The following ZNF789 variants were observed in gnomAD, a reference collection of about 807,000 sequenced individuals.
ZNF789 encodes zinc finger protein 789.
A neutral mutation model predicts 15.6 loss-of-function variants in ZNF789; 11 were observed. The observed-to-expected ratio is 0.70, with a 90% CI of 0.44 to 1.16. ZNF789 has a LOEUF of 1.16. ZNF789 is among the 50% of genes most tolerant of loss of function. ZNF789 has a pLI of 0.00. For synonymous variants in ZNF789, 159 were observed against 176.0 expected (o/e 0.90, Z 0.76); for missense variants, 461 against 512.6 (o/e 0.90, Z 0.97).
intron 4 of ZNF789, among the ~76,000 whole-genome samples, chr7:99,484,697 G>A (rs1799830249): frequency 6.6e-6 from 1 of 152,266 alleles, no homozygotes; most frequent in East Asian, 1.9e-4. Flanking sequence ...GGGAGGCAGA[G>A]GCAGGAGGAT....
chr7:99,485,178 C>T, intron 4 of ZNF789: 1 of 1,535,566 alleles, frequency 6.5e-7, no homozygotes, highest in East Asian at 2.4e-5. Flanking sequence ...GACATATCTG[C>T]ATTTTTCTAC....
At chr7:99,475,112 G>C (rs1799249081) in intron 1 of ZNF789, among the ~76,000 whole-genome samples, 1 of 152,184 alleles carries the variant, frequency 6.6e-6, no homozygotes, top group African/African-American at 2.4e-5. Context: ...AAGTCTGTAG[G>C]CTGGGCGCAG....
intron 3 of ZNF789, chr7:99,480,055 G>C (rs1237309319): frequency 2.3e-6 from 1 of 432,276 alleles, no homozygotes; most frequent in East Asian, 3.5e-5. Flanking sequence ...GCCAGGTGCG[G>C]TGGCTCACAC....
chr7:99,487,131 T>C lies in ZNF789; in HGVS notation c.921T>C (p.His307=), dbSNP rs758175237. Residue 307 remains histidine, a synonymous_variant, in exon 5 of 5, where the codon CAT becomes CAC. Coordinates refer to ENST00000331410, the MANE Select transcript of ZNF789 (RefSeq NM_213603.3). ...NSTLIRHQVI[H]SGEKRHKCLE... ...CCCTTATTCGACATCAGGTGATCCA[T>C]AGTGGAGAAAAACGCCATAAATGCC... 2.5e-6 allele frequency: 4 copies of C among 1,614,058 alleles called. No individual in the cohort carries two copies. The highest frequency in any genetic ancestry group is 1.3e-5 in the African/African-American group (1 of 74,932).
intron 3 of ZNF789, 35 bp from the exon 4 acceptor site, chr7:99,483,995 T>C (rs1179719801): frequency 6.3e-7 from 1 of 1,578,286 alleles, no homozygotes; most frequent in Non-Finnish European, 8.7e-7. Context: ...TGTAACTCAC[T>C]AACGGCCACA....
chr7:99,472,936 G>T lies in ZNF789; in HGVS notation c.-175G>T, dbSNP rs1185658652. 1.3e-5 allele frequency: 2 copies of T among 152,322 alleles called. No individual in the cohort carries two copies. Among genetic ancestry groups the T allele is most frequent in the Non-Finnish European group, 2.9e-5 (2 of 68,132 alleles). 9.4% of individuals were successfully genotyped at this position (152,322 alleles called of 1,614,324 possible). A position where few individuals can be genotyped will look rare whatever the true frequency, so the allele number is the denominator to read the frequency against. ...CAGAGTGGTTGTGTCTGTTCCTCCGGTAAGGGGTGATTCGCCGAGGGGCGC... is the reference window on the plus strand; with the variant it reads ...CAGAGTGGTTGTGTCTGTTCCTCCGTTAAGGGGTGATTCGCCGAGGGGCGC... On this transcript the variant is annotated 5_prime_UTR_variant, in exon 1 of 5. Coordinates refer to ENST00000331410, the MANE Select transcript of ZNF789 (RefSeq NM_213603.3).
chr7:99,485,913 G>A (rs1201041798), intron 4 of ZNF789, among the ~76,000 whole-genome samples: 1 of 152,136 alleles, frequency 6.6e-6, no homozygotes, highest in Non-Finnish European at 1.5e-5. Flanking sequence ...TTCTAATAAC[G>A]ATGATGGGCT....
intron 1 of ZNF789, among the ~76,000 whole-genome samples, 182 bp downstream of exon 1, chr7:99,473,238 A>C (rs777117197): frequency 2.4e-4 from 36 of 152,172 alleles, no homozygotes; most frequent in Non-Finnish European, 4.7e-4. Context: ...CAAAGTCCGA[A>C]GAATGAATGG....
chr7:99,483,944 G>T, intron 3 of ZNF789, 86 bp from the exon 4 acceptor site: 1 of 1,020,044 alleles, frequency 9.8e-7, no homozygotes. Flanking sequence ...TTTGATTATT[G>T]TCCTTATCTC....
chr7:99,480,110 G>A, intron 3 of ZNF789: 1 of 339,690 alleles, frequency 2.9e-6, no homozygotes, highest in Non-Finnish European at 5.3e-6. Context: ...TGGATCACAT[G>A]AGGTCAGTAG....
At chr7:99,481,988 G>A (rs1185109871) in intron 3 of ZNF789, 12 of 606,412 alleles carry the variant, frequency 2.0e-5, no homozygotes, top group Non-Finnish European at 3.5e-5. Context: ...AAAATGCTGG[G>A]GACCAAAAGT....
At chr7:99,473,408 C>G (rs1584544967) in intron 1 of ZNF789, among the ~76,000 whole-genome samples, 1 of 152,144 alleles carries the variant, frequency 6.6e-6, no homozygotes, top group South Asian at 2.1e-4. Flanking sequence ...TGCAGAGGAA[C>G]AGCTGGCAAA....
intron 4 of ZNF789, among the ~76,000 whole-genome samples, chr7:99,484,368 G>A (rs1188041403): frequency 1.3e-5 from 2 of 152,180 alleles, no homozygotes; most frequent in East Asian, 1.9e-4. Context: ...GCGCATTCCT[G>A]TAATCCTACT....
chr7:99,484,211 C>G, intron 4 of ZNF789, 68 bp downstream of exon 4: 1 of 1,267,042 alleles, frequency 7.9e-7, no homozygotes, highest in Non-Finnish European at 1.1e-6. Context: ...AGTGAAGCCC[C>G]TTCTGTGTGC....
chr7:99,474,381 T>C (rs946086814), intron 1 of ZNF789, among the ~76,000 whole-genome samples: 4 of 152,058 alleles, frequency 2.6e-5, no homozygotes, highest in Non-Finnish European at 4.4e-5. Context: ...GATCACGAGG[T>C]CAGGAGATCA....
chr7:99,474,385 G>C (rs559060001), intron 1 of ZNF789, among the ~76,000 whole-genome samples: 1 of 152,282 alleles, frequency 6.6e-6, no homozygotes, highest in East Asian at 1.9e-4. Context: ...ACGAGGTCAG[G>C]AGATCAAGAC....
intron 3 of ZNF789, chr7:99,481,540 C>A (rs926954634): frequency 2.6e-5 from 4 of 152,598 alleles, no homozygotes; most frequent in Non-Finnish European, 5.9e-5. Flanking sequence ...TCACCACAAC[C>A]TCTGCCTCCC....
At chr7:99,480,197 C>T (rs942223602) in intron 3 of ZNF789, 11 of 180,240 alleles carry the variant, frequency 6.1e-5, no homozygotes, top group Admixed American at 3.1e-4. Context: ...TGGTGGTGCA[C>T]GCTTGTAGTC....
chr7:99,479,337 G>T, intron 2 of ZNF789: 1 of 227,062 alleles, frequency 4.4e-6, no homozygotes, highest in East Asian at 9.1e-5. Flanking sequence ...CACAAAGGCT[G>T]TTCCTCAGAT....
Sources: gnomAD v4.1 joint callset for allele counts (sites outside exome capture counted in the v4.1 genomes callset) on GRCh38, gnomAD v4.1.1 for gene constraint, MANE v1.5 for transcripts, NCBI Gene and HGNC (gene_info 2026-07-23, HGNC 2026-07-21) for gene names.